Variants in ABHD2 observed in about 807,000 individuals in gnomAD.
The protein encoded by ABHD2 is monoacylglycerol lipase ABHD2.
A neutral mutation model predicts 48.1 loss-of-function variants in ABHD2; 20 were observed. That is an observed-to-expected ratio of 0.42 (90% CI 0.29 to 0.60). ABHD2 has a LOEUF of 0.60. Among genes scored for constraint, ABHD2 ranks in the 20% least tolerant of loss-of-function variants. The pLI, the probability that ABHD2 is intolerant of heterozygous loss-of-function variation, is 0.24. For synonymous variants in ABHD2, 209 were observed against 214.2 expected, an observed-to-expected ratio of 0.98 and a Z score of 0.21; for missense variants, 405 against 550.9, an observed-to-expected ratio of 0.74 and a Z score of 2.65.
chr15:89,201,440 C>A lies in ABHD2; in HGVS notation c.*6017C>A. Reference sequence around the variant, plus strand: ...TTCATTGGGGATCTCCATTTGGAATCCATTAATTCATGAGGTTTTGCCTCA... The same window carrying A: ...TTCATTGGGGATCTCCATTTGGAATACATTAATTCATGAGGTTTTGCCTCA... On this transcript the variant is annotated 3_prime_UTR_variant, in exon 11 of 11. Transcript: ENST00000352732. 2.2e-6 allele frequency: 3 copies of A among 1,340,792 alleles called. No individual in the cohort carries two copies. Among genetic ancestry groups the A allele is most frequent in the African/African-American group, 1.5e-5 (1 of 68,720 alleles). The allele number at this position is 1,340,792 out of a possible 1,614,324, so 83.1% of individuals were successfully genotyped here. A position where few individuals can be genotyped will look rare whatever the true frequency, so the allele number is the denominator to read the frequency against.
intron 1 of ABHD2, among the ~76,000 whole-genome samples, chr15:89,103,409 C>T (rs1596065199): frequency 6.6e-6 from 1 of 152,274 alleles, no homozygotes; most frequent in African/African-American, 2.4e-5. Context: ...AAGTAACCTC[C>T]CTTCCCCCAT....
In ABHD2 at chr15:89,185,384, C is replaced by G; in HGVS notation, c.723-40C>G. 6.4e-7 allele frequency: 1 copy of G among 1,573,922 alleles called. No individual in the cohort carries two copies. The highest frequency in any genetic ancestry group is 8.7e-7 in the Non-Finnish European group (1 of 1,144,388). On this transcript the variant is annotated intron_variant, in intron 6 of 10. Coordinates refer to ENST00000352732, the MANE Select transcript of ABHD2 (RefSeq NM_152924.5). The surrounding 1 kb of genome is among the most constrained non-coding windows in gnomAD (Gnocchi z 5.9). ...CCCCTCCTGGCTGCCCGCCTGCACC[C>G]CCACACCGCAGTCACCCTCACTCGC... is the stretch of plus-strand genomic sequence containing the variant.
In ABHD2 at chr15:89,164,238, C is replaced by T. The variant is rs2050803842; in HGVS notation, c.538+8704C>T. 6.6e-6 allele frequency among the ~76,000 whole-genome samples: 1 copy of T among 152,162 alleles called. No individual in the cohort carries two copies. Among genetic ancestry groups the T allele is most frequent in the Non-Finnish European group, 1.5e-5 (1 of 68,030 alleles). On this transcript the variant is annotated intron_variant, in intron 5 of 10. Transcript: ENST00000352732. The surrounding 1 kb of genome is among the most constrained non-coding windows in gnomAD (Gnocchi z 5.0). ...CATCTAGTTGGGGAAGGAGGGTGCA[C>T]AGTCACAGTCGGTCTAAGCTTATTG...
chr15:89,135,834 A>T, intron 3 of ABHD2: 1 of 753,918 alleles, frequency 1.3e-6, no homozygotes, highest in Non-Finnish European at 2.4e-6. Context: ...CTCCTTTGAT[A>T]TTTGGGCGAT....
rs905606166 is a variant in ABHD2, at chr15:89,189,597, A to G, written c.926+1294A>G. ...TAGGCAGATATTGACCTAAGGGTATAGGATCTCTGCTTTGCTTCCTTATGA... is the reference window on the plus strand; with the variant it reads ...TAGGCAGATATTGACCTAAGGGTATGGGATCTCTGCTTTGCTTCCTTATGA... On this transcript the variant is annotated intron_variant, in intron 8 of 10. Coordinates refer to ENST00000352732, the MANE Select transcript of ABHD2 (RefSeq NM_152924.5). This position sits in a 1 kb window ranked among gnomAD's most constrained non-coding sequence, Gnocchi z 4.9. Among the ~76,000 whole-genome samples, 3 of 152,252 alleles carry G rather than the reference A, an allele frequency of 2.0e-5. No homozygotes were observed. Among genetic ancestry groups the G allele is most frequent in the African/African-American group, 7.2e-5 (3 of 41,466 alleles).
chr15:89,124,334 T>A (rs2050099787), intron 3 of ABHD2, among the ~76,000 whole-genome samples: 1 of 152,238 alleles, frequency 6.6e-6, no homozygotes, highest in East Asian at 1.9e-4. Flanking sequence ...AGCTTTGAGA[T>A]GGACAGTTGT....
chr15:89,052,627 G>T, the ABHD2 span, among the ~76,000 whole-genome samples: 15 of 151,968 alleles, frequency 9.9e-5, no homozygotes, highest in African/African-American at 3.4e-4. Context: ...GGCAGAGATT[G>T]GGCAATGTTT....
intron 5 of ABHD2, among the ~76,000 whole-genome samples, chr15:89,170,080 CTTTTTTTTTTTTTTTTTTTTTT>C (rs748983183): frequency 2.7e-5 from 1 of 37,484 alleles, no homozygotes; most frequent in Non-Finnish European, 5.4e-5. Flanking sequence ...AGATCAGATT[CTTTTTTTTTTTTTTTTTTTTTT>C]TTTTTTTTTT....
chr15:89,200,193 A>C lies in ABHD2; in HGVS notation c.*4770A>C, dbSNP rs758816264. 3.9e-5 allele frequency: 6 copies of C among 152,248 alleles called. No individual in the cohort carries two copies. The highest frequency in any genetic ancestry group is 1.3e-4 in the Admixed American group (2 of 15,282). 9.4% of individuals were successfully genotyped at this position (152,248 alleles called of 1,614,324 possible). A position where few individuals can be genotyped will look rare whatever the true frequency, so the allele number is the denominator to read the frequency against. On this transcript the variant is annotated 3_prime_UTR_variant, in exon 11 of 11. Coordinates refer to ENST00000352732, the MANE Select transcript of ABHD2 (RefSeq NM_152924.5). Reference sequence around the variant, plus strand: ...ATTTAAAACTTTTAATTAAAAAGTAAATTTTAATGTCGAAAATGCAAACTT... The same window carrying C: ...ATTTAAAACTTTTAATTAAAAAGTACATTTTAATGTCGAAAATGCAAACTT...
At chr15:89,180,831 G>C (rs184461142) in intron 6 of ABHD2, among the ~76,000 whole-genome samples, 3 of 152,312 alleles carry the variant, frequency 2.0e-5, no homozygotes, top group Non-Finnish European at 4.4e-5. Flanking sequence ...CAGCATGGGA[G>C]ATAGTTAAAT....
chr15:89,127,720 C>CATATATATATATATAT (rs1567080056), intron 3 of ABHD2, among the ~76,000 whole-genome samples: 7 of 69,766 alleles, frequency 1.0e-4, no homozygotes, highest in African/African-American at 3.9e-4. Context: ...TATATATATA[C>CATATATATATATATAT]ACATATATAT....
intron 3 of ABHD2, among the ~76,000 whole-genome samples, chr15:89,140,934 C>T (rs1290730009): frequency 6.6e-6 from 1 of 151,860 alleles, no homozygotes; most frequent in African/African-American, 2.4e-5. Context: ...AAGGGATGCT[C>T]AGGGCATAAC....
the ABHD2 span, among the ~76,000 whole-genome samples, chr15:89,067,751 A>G: frequency 6.6e-6 from 1 of 152,072 alleles, no homozygotes; most frequent in Admixed American, 6.5e-5. Flanking sequence ...CCTGCCTGCT[A>G]CTATCCTAAC....
chr15:89,109,502 G>A (rs1432776906), intron 1 of ABHD2, among the ~76,000 whole-genome samples: 4 of 151,874 alleles, frequency 2.6e-5, no homozygotes, highest in African/African-American at 7.3e-5. Flanking sequence ...TTCCATCTGC[G>A]ACATACCCAG....
At chr15:89,083,837 T>G (rs186974885), upstream of ABHD2, among the ~76,000 whole-genome samples, 1 of 152,200 alleles carries the variant, frequency 6.6e-6, no homozygotes, top group East Asian at 1.9e-4. This position sits in a 1 kb window ranked among gnomAD's most constrained non-coding sequence, Gnocchi z 5.1. Context: ...CATGGAACTA[T>G]TGCATGCTGG....
Position 89,102,756 on chromosome 15 carries a change from CT to C in ABHD2, c.-106-10967del, listed in dbSNP as rs2150787764. Among the ~76,000 whole-genome samples, 1 of 152,324 alleles carries C rather than the reference CT, an allele frequency of 6.6e-6. No homozygotes were observed. The highest frequency in any genetic ancestry group is 1.5e-5 in the Non-Finnish European group (1 of 68,018). On this transcript the variant is annotated intron_variant, in intron 1 of 10. Transcript: ENST00000352732. The surrounding 1 kb of genome is among the most constrained non-coding windows in gnomAD (Gnocchi z 4.8). The stretch of plus-strand genomic sequence containing the variant: ...GAGGAGTGAGTGGCGTAGCTATCTG[CT>C]TCATGTGGGGCGCTCCTGCTCTGCA...
At chr15:89,076,095 G>T in the ABHD2 span, among the ~76,000 whole-genome samples, 2 of 152,210 alleles carry the variant, frequency 1.3e-5, no homozygotes, top group Admixed American at 6.5e-5. Context: ...CCATGTGCTT[G>T]CTCTCTTTCT....
chr15:89,188,600 A>C lies in ABHD2; in HGVS notation c.926+297A>C, dbSNP rs1172149223. On this transcript the variant is annotated intron_variant, in intron 8 of 10. Coordinates refer to ENST00000352732, the MANE Select transcript of ABHD2 (RefSeq NM_152924.5). The surrounding 1 kb of genome is among the most constrained non-coding windows in gnomAD (Gnocchi z 4.1). ...GCAGGCCCTAGCATGGGCAGTCTTC[A>C]CCCTACCTGTCCTGCCTCAACACCA... Among the ~76,000 whole-genome samples the C allele has an allele frequency of 6.6e-5, 10 of 152,288 alleles. No homozygotes were observed. In the East Asian group the frequency reaches 1.9e-3, roughly 29 times the overall value.
In ABHD2 at chr15:89,188,130, G is replaced by A. The variant is rs1211126523; in HGVS notation, c.816-63G>A. ...CCTGGCTTGCTGTGGCAAGGAAGCAGGCTATGCCATGGTTGTTCATCCTCC... is the reference window on the plus strand; with the variant it reads ...CCTGGCTTGCTGTGGCAAGGAAGCAAGCTATGCCATGGTTGTTCATCCTCC... On this transcript the variant is annotated intron_variant, in intron 7 of 10. Transcript: ENST00000352732. This position sits in a 1 kb window ranked among gnomAD's most constrained non-coding sequence, Gnocchi z 4.1. 2 of 1,442,868 alleles carry A rather than the reference G, an allele frequency of 1.4e-6. No individual in the cohort carries two copies. The highest frequency in any genetic ancestry group is 9.7e-7 in the Non-Finnish European group (1 of 1,026,788). The allele number at this position is 1,442,868 out of a possible 1,614,324, so 89.4% of individuals were successfully genotyped here.
Sources: gnomAD v4.1 joint callset for allele counts (sites outside exome capture counted in the v4.1 genomes callset) on GRCh38, gnomAD v4.1.1 for gene constraint, Gnocchi (gnomAD v3.1) non-coding constraint, MANE v1.5 for transcripts, NCBI Gene and HGNC (gene_info 2026-07-23, HGNC 2026-07-21) for gene names.